The following PFKFB3 variants were observed in gnomAD, a reference collection of about 807,000 sequenced individuals.
PFKFB3 encodes 6-phosphofructo-2-kinase/fructose-2,6-bisphosphatase 3.
In PFKFB3, 33 loss-of-function variants were observed where a neutral mutation model predicts 68.0. The observed-to-expected ratio is 0.49, with a 90% CI of 0.37 to 0.65. The LOEUF is 0.65. Ranked by LOEUF, PFKFB3 falls within the 30% of genes least tolerant of loss-of-function variation. PFKFB3 has a pLI of 0.00. For synonymous variants in PFKFB3, 315 were observed against 288.2 expected (o/e 1.09, Z -0.94); for missense variants, 586 against 712.2 (o/e 0.82, Z 2.02).
At chr10:6,265,675 A>G in the PFKFB3 span, among the ~76,000 whole-genome samples, 4 of 152,240 alleles carry the variant, frequency 2.6e-5, no homozygotes, top group African/African-American at 4.8e-5. Flanking sequence ...TCTCCCTTGG[A>G]GCTAATAAGC....
rs1359315359 is a variant in PFKFB3, at chr10:6,203,198, C to T, written c.-63C>T. ...CTCCTTTGTTCCGGGGGTCGGCGGC[C>T]GCTCTCCTGCCAGCGTCGGGATCTC... On this transcript the variant is annotated 5_prime_UTR_variant, in exon 1 of 15. Transcript: ENST00000379775. 3 of 1,577,914 alleles carry T rather than the reference C, an allele frequency of 1.9e-6. No homozygotes were observed. The highest frequency in any genetic ancestry group is 1.2e-5 in the South Asian group (1 of 86,924).
At chr10:6,145,034 GC>G in intron 1 of PFKFB3, 1 of 1,326,972 alleles carries the variant, frequency 7.5e-7, no homozygotes. Context: ...CGGTGACGCG[GC>G]CCACGCCCCC....
the PFKFB3 span, among the ~76,000 whole-genome samples, chr10:6,291,934 G>A: frequency 1.3e-5 from 2 of 149,246 alleles, no homozygotes; most frequent in Non-Finnish European, 3.0e-5. Context: ...TTACGTGGAA[G>A]GAAACCAGTG....
the PFKFB3 span, among the ~76,000 whole-genome samples, chr10:6,313,020 T>G: frequency 2.6e-5 from 4 of 152,226 alleles, no homozygotes; most frequent in Non-Finnish European, 4.4e-5. The surrounding 1 kb of genome is among the most constrained non-coding windows in gnomAD (Gnocchi z 4.2). Context: ...TGAAACTGTA[T>G]GAACTGGGGG....
intron 8 of PFKFB3, 112 bp from the exon 9 acceptor site, chr10:6,221,269 C>A (rs1588514425): frequency 7.4e-7 from 1 of 1,345,630 alleles, no homozygotes; most frequent in East Asian, 2.5e-5. Flanking sequence ...CCTGGGGCCC[C>A]CACGGTGTAA....
rs1420730620 is a variant in PFKFB3 at position 6,207,317 on chromosome 10, A to G, written c.76+3981A>G. ...GTCAGGCGTGGCGGCGCCTCCTGCAATCGCAGGCACTCGGCAGGCTGAGGC... is the reference window on the plus strand; with the variant it reads ...GTCAGGCGTGGCGGCGCCTCCTGCAGTCGCAGGCACTCGGCAGGCTGAGGC... On this transcript the variant is annotated intron_variant, in intron 1 of 14. Transcript: ENST00000379775. Among the ~76,000 whole-genome samples the G allele has an allele frequency of 3.9e-5, 6 of 152,270 alleles. No individual in the cohort carries two copies. In the South Asian group the frequency reaches 6.2e-4, roughly 16 times the overall value.
intron 14 of PFKFB3, among the ~76,000 whole-genome samples, chr10:6,226,775 C>G (rs142101754): frequency 2.9e-3 from 441 of 152,260 alleles, no homozygotes; most frequent in African/African-American, 0.01. Flanking sequence ...ATGGTTATCC[C>G]AGCAGGTAGT....
At chr10:6,178,425 T>A (rs674399) in intron 1 of PFKFB3, among the ~76,000 whole-genome samples, 1 of 152,156 alleles carries the variant, frequency 6.6e-6, no homozygotes, top group Non-Finnish European at 1.5e-5. Flanking sequence ...GCGGCTGATA[T>A]GGGCTTAGGG....
the PFKFB3 span, among the ~76,000 whole-genome samples, chr10:6,265,147 C>A: frequency 3.3e-3 from 476 of 144,514 alleles, 2 homozygotes; most frequent in African/African-American, 0.012. Context: ...GTGGCGCCAT[C>A]TCGGCTCACT....
intron 14 of PFKFB3, among the ~76,000 whole-genome samples, chr10:6,249,281 T>G (rs1291200797): frequency 6.6e-6 from 1 of 151,872 alleles, no homozygotes; most frequent in Non-Finnish European, 1.5e-5. Flanking sequence ...TGTATAGAAG[T>G]TCTTCAAAAT....
intron 6 of PFKFB3, 111 bp from the exon 7 acceptor site, chr10:6,219,458 C>A: frequency 8.4e-7 from 1 of 1,193,140 alleles, no homozygotes; most frequent in Non-Finnish European, 1.2e-6. Context: ...GCCGGATAAT[C>A]TTTATACTGA....
At chr10:6,190,248 A>G (rs1037349643) in intron 1 of PFKFB3, among the ~76,000 whole-genome samples, 1 of 152,180 alleles carries the variant, frequency 6.6e-6, no homozygotes, top group Non-Finnish European at 1.5e-5. Flanking sequence ...CCAGCTGCAA[A>G]TATCTTGTTT....
At chr10:6,217,026 G>A in intron 5 of PFKFB3, 109 bp from the exon 6 acceptor site, 1 of 1,120,550 alleles carries the variant, frequency 8.9e-7, no homozygotes, top group Non-Finnish European at 1.4e-6. Context: ...GTGTTTGGGA[G>A]TTGGTGGGTG....
intron 1 of PFKFB3, among the ~76,000 whole-genome samples, chr10:6,181,496 A>G (rs987623785): frequency 7.2e-5 from 11 of 152,234 alleles, no homozygotes; most frequent in African/African-American, 2.7e-4. Flanking sequence ...CCTGAAGACA[A>G]TGTTCTGAGT....
chr10:6,287,489 AG>A, the PFKFB3 span, among the ~76,000 whole-genome samples: 46 of 152,346 alleles, frequency 3.0e-4, no homozygotes, highest in South Asian at 5.4e-3. Flanking sequence ...TACAGTATTT[AG>A]TACAGCAACA....
At chr10:6,256,252 C>T (rs959282509), downstream of PFKFB3, among the ~76,000 whole-genome samples, 7 of 152,218 alleles carry the variant, frequency 4.6e-5, 1 homozygote, top group South Asian at 1.2e-3. Flanking sequence ...ATGTAGTACT[C>T]CTAAACCAGA....
In PFKFB3 at chr10:6,220,722, C is replaced by A. The variant is rs1015889528; in HGVS notation, c.688C>A (p.His230Asn). 2 of 1,613,944 alleles carry A rather than the reference C, an allele frequency of 1.2e-6. No individual in the cohort carries two copies. The highest frequency in any genetic ancestry group is 1.7e-5 in the Admixed American group (1 of 59,998). Residue 230 changes from histidine (H) to asparagine (N), a missense_variant, in exon 8 of 15, where the codon CAC becomes AAC. By Grantham distance (68) the His-to-Asn change is moderately conservative (BLOSUM62 1). Transcript: ENST00000379775. This position sits in a 1 kb window ranked among gnomAD's most constrained non-coding sequence, Gnocchi z 4.1. ...GTTCCTGGTGAACCGGGTGCAGGAC[C>A]ACATCCAGAGCCGCATCGTGTACTA... ...RRFLVNRVQD[H>N]IQSRIVYYLM...
chr10:6,239,344 A>G (rs886290354), downstream of PFKFB3, among the ~76,000 whole-genome samples: 2 of 152,220 alleles, frequency 1.3e-5, no homozygotes, highest in African/African-American at 2.4e-5. Context: ...CATAACTGAG[A>G]TAAACCAGGT....
chr10:6,201,216 C>T (rs556228873), upstream of PFKFB3, among the ~76,000 whole-genome samples: 31 of 151,288 alleles, frequency 2.0e-4, no homozygotes, highest in African/African-American at 7.5e-4. The surrounding 1 kb of genome is among the most constrained non-coding windows in gnomAD (Gnocchi z 4.1). Flanking sequence ...TGCTGTTTCC[C>T]TCTTCGGGTC....
Sources: gnomAD v4.1 joint callset for allele counts (sites outside exome capture counted in the v4.1 genomes callset) on GRCh38, gnomAD v4.1.1 for gene constraint, Gnocchi (gnomAD v3.1) non-coding constraint, MANE v1.5 for transcripts, NCBI Gene and HGNC (gene_info 2026-07-23, HGNC 2026-07-21) for gene names.